The following CDH13 variants were observed in gnomAD, a reference collection of about 807,000 sequenced individuals.
CDH13 encodes cadherin 13, also known as cadherin-13.
Under a neutral mutation model 63.8 loss-of-function variants are expected in CDH13, and 24 were observed. The ratio of observed to expected loss-of-function variants is 0.38; its 90% CI spans 0.27 to 0.53. The LOEUF (loss-of-function observed/expected upper bound fraction) is 0.53. Ranked by LOEUF, CDH13 falls within the 20% of genes least tolerant of loss-of-function variation. CDH13 has a pLI of 0.85. For synonymous variants in CDH13, 503 were observed against 355.3 expected, an observed-to-expected ratio of 1.42 and a Z score of -4.67; for missense variants, 1,049 against 903.1, an observed-to-expected ratio of 1.16 and a Z score of -2.07.
chr16:83,028,303 G>A (rs1916003320), intron 2 of CDH13, among the ~76,000 whole-genome samples: 1 of 152,176 alleles, frequency 6.6e-6, no homozygotes, highest in South Asian at 2.1e-4. Context: ...ATTCATCTGG[G>A]CTACCAACAT....
chr16:83,540,153 C>T (rs1055341436), intron 7 of CDH13, among the ~76,000 whole-genome samples: 5 of 151,392 alleles, frequency 3.3e-5, no homozygotes, highest in Admixed American at 2.6e-4. Flanking sequence ...CAATCTCCGC[C>T]TCCCAGGTTG....
intron 7 of CDH13, among the ~76,000 whole-genome samples, chr16:83,530,253 T>A (rs1260826650): frequency 3.9e-5 from 6 of 152,288 alleles, no homozygotes; most frequent in Non-Finnish European, 8.8e-5. Flanking sequence ...TTGAGAAATA[T>A]CAGAAAATTG....
intron 2 of CDH13, among the ~76,000 whole-genome samples, chr16:82,987,883 G>C (rs556336003): frequency 6.6e-6 from 1 of 152,168 alleles, no homozygotes; most frequent in South Asian, 2.1e-4. Flanking sequence ...GATTTGGAAA[G>C]GTAACCTGGA....
At chr16:83,704,117 G>T (rs999246084) in intron 10 of CDH13, among the ~76,000 whole-genome samples, 2 of 152,166 alleles carry the variant, frequency 1.3e-5, no homozygotes, top group Non-Finnish European at 1.5e-5. Context: ...AAGTGTTCAT[G>T]GAAGTTTGAA....
chr16:83,056,667 G>A (rs183552927), intron 3 of CDH13, among the ~76,000 whole-genome samples: 1 of 152,214 alleles, frequency 6.6e-6, no homozygotes, highest in East Asian at 1.9e-4. Context: ...ATATGGTTTG[G>A]CCGTGTCACC....
Position 83,216,958 on chromosome 16 carries a change from C to G in CDH13, c.484-387C>G, listed in dbSNP as rs543034419. ...TAAATACCTGGAATCTTGATCAATG[C>G]ATGCGCAGCAAATGGCTTCCATTAC... On this transcript the variant is annotated intron_variant, in intron 4 of 13. Coordinates refer to ENST00000567109, the MANE Select transcript of CDH13 (RefSeq NM_001257.5). 2.4e-4 allele frequency among the ~76,000 whole-genome samples: 37 copies of G among 152,190 alleles called. 1 individual carries two copies. Among genetic ancestry groups the G allele is most frequent in the South Asian group, 1.2e-3 (6 of 4,828 alleles).
At chr16:82,783,428 G>A (rs1358271684) in intron 1 of CDH13, among the ~76,000 whole-genome samples, 1 of 152,240 alleles carries the variant, frequency 6.6e-6, no homozygotes, top group Non-Finnish European at 1.5e-5. Flanking sequence ...GCAGAGCTGC[G>A]TGAGCCTGCC....
intron 2 of CDH13, among the ~76,000 whole-genome samples, chr16:82,886,668 A>G (rs922814761): frequency 6.6e-6 from 1 of 152,020 alleles, no homozygotes; most frequent in Non-Finnish European, 1.5e-5. Context: ...CAATTTATGA[A>G]AATTGGACAC....
chr16:83,185,112 T>C (rs2038477475), intron 4 of CDH13, among the ~76,000 whole-genome samples: 1 of 152,108 alleles, frequency 6.6e-6, no homozygotes, highest in South Asian at 2.1e-4. Context: ...ATAAAGAAAC[T>C]GAGGCACAGA....
intron 5 of CDH13, among the ~76,000 whole-genome samples, chr16:83,256,181 G>T (rs143361675): frequency 6.6e-6 from 1 of 152,042 alleles, no homozygotes; most frequent in East Asian, 1.9e-4. Flanking sequence ...CTACAGGCGT[G>T]TGCCACCATG....
At chr16:82,890,840 C>T (rs1848273878) in intron 2 of CDH13, among the ~76,000 whole-genome samples, 3 of 151,820 alleles carry the variant, frequency 2.0e-5, no homozygotes, top group Non-Finnish European at 2.9e-5. Context: ...TTAGTGGAGA[C>T]AGCATTTTAC....
chr16:83,263,824 T>C, intron 5 of CDH13, among the ~76,000 whole-genome samples: 1 of 152,118 alleles, frequency 6.6e-6, no homozygotes. Context: ...CCATGTGTAC[T>C]ACAGGTTGAC....
intron 1 of CDH13, among the ~76,000 whole-genome samples, chr16:82,808,223 A>G (rs982801572): frequency 6.6e-6 from 1 of 152,136 alleles, no homozygotes; most frequent in South Asian, 2.1e-4. Context: ...TTTTTTTAGA[A>G]CTGCTAAATC....
At chr16:82,780,861 A>T (rs1387084846) in intron 1 of CDH13, among the ~76,000 whole-genome samples, 3 of 152,232 alleles carry the variant, frequency 2.0e-5, no homozygotes, top group Non-Finnish European at 4.4e-5. Context: ...CCGATACACA[A>T]AAACAAGGGT....
intron 5 of CDH13, among the ~76,000 whole-genome samples, chr16:83,302,282 C>T (rs1301884606): frequency 6.6e-6 from 1 of 152,162 alleles, no homozygotes; most frequent in African/African-American, 2.4e-5. Context: ...TTTTAACCTC[C>T]TGTTGCTTCA....
intron 4 of CDH13, among the ~76,000 whole-genome samples, chr16:83,207,357 T>TGA: frequency 6.6e-6 from 1 of 152,242 alleles, no homozygotes; most frequent in Non-Finnish European, 1.5e-5. Flanking sequence ...AACTGGCTTA[T>TGA]TTCATTTAGC....
intron 1 of CDH13, among the ~76,000 whole-genome samples, chr16:82,760,888 C>G (rs1346736632): frequency 6.6e-6 from 1 of 151,816 alleles, no homozygotes. Context: ...CTTGCAGTAA[C>G]TAATAGAGGG....
At chr16:83,496,949 A>G (rs1329849388) in intron 7 of CDH13, among the ~76,000 whole-genome samples, 1 of 152,218 alleles carries the variant, frequency 6.6e-6, no homozygotes, top group Non-Finnish European at 1.5e-5. Context: ...TGCAAATCAA[A>G]ACCACAATGA....
At chr16:82,794,734 C>G (rs536029902) in intron 1 of CDH13, among the ~76,000 whole-genome samples, 10 of 152,294 alleles carry the variant, frequency 6.6e-5, no homozygotes, top group African/African-American at 1.9e-4. Flanking sequence ...ATTTCAAAAA[C>G]TATGGTTTTC....
Sources: allele counts gnomAD v4.1 joint callset (sites outside exome capture counted in the v4.1 genomes callset), GRCh38; gene constraint gnomAD v4.1.1; transcripts MANE v1.5; gene names NCBI Gene and HGNC (gene_info 2026-07-23, HGNC 2026-07-21).